Variants in CDK13 observed in about 807,000 individuals in gnomAD.
The protein encoded by CDK13 is cyclin dependent kinase 13.
A neutral mutation model predicts 137.6 loss-of-function variants in CDK13; 40 were observed. The observed-to-expected ratio is 0.29, with a 90% CI of 0.23 to 0.38. CDK13 has a LOEUF of 0.38. Ranked by LOEUF, CDK13 falls within the 10% of genes least tolerant of loss-of-function variation. CDK13 has a pLI of 1.00. For synonymous variants in CDK13, 869 were observed against 760.1 expected, an observed-to-expected ratio of 1.14 and a Z score of -2.36; for missense variants, 1,704 against 1,951.8, an observed-to-expected ratio of 0.87 and a Z score of 2.39.
intron 7 of CDK13, chr7:40,048,737 TA>T: frequency 6.6e-6 from 1 of 151,672 alleles, no homozygotes; most frequent in East Asian, 1.9e-4. Flanking sequence ...GTTAAAGCAA[TA>T]AACAAAAACT....
chr7:39,968,343 G>C (rs1783917594), intron 1 of CDK13, among the ~76,000 whole-genome samples: 1 of 152,112 alleles, frequency 6.6e-6, no homozygotes, highest in Non-Finnish European at 1.5e-5. Flanking sequence ...CCTTTCTACT[G>C]TATAAGGTGT....
intron 5 of CDK13, among the ~76,000 whole-genome samples, chr7:40,036,353 G>A (rs1319801447): frequency 6.6e-6 from 1 of 151,908 alleles, no homozygotes; most frequent in African/African-American, 2.4e-5. Flanking sequence ...TCTAAAAGTA[G>A]ATGAGGTCAG....
chr7:40,004,719 G>T (rs1784761318), intron 5 of CDK13, among the ~76,000 whole-genome samples: 1 of 152,174 alleles, frequency 6.6e-6, no homozygotes, highest in Non-Finnish European at 1.5e-5. Context: ...AATCTAAAAT[G>T]AGTGTATTAG....
intron 5 of CDK13, among the ~76,000 whole-genome samples, chr7:40,020,233 A>C (rs1583997001): frequency 6.6e-6 from 1 of 151,766 alleles, no homozygotes; most frequent in African/African-American, 2.4e-5. Flanking sequence ...ATGCCCAGCT[A>C]CTTTTTGTAT....
At chr7:40,019,117 G>C (rs939631144) in intron 5 of CDK13, among the ~76,000 whole-genome samples, 2 of 152,122 alleles carry the variant, frequency 1.3e-5, no homozygotes, top group African/African-American at 4.8e-5. Flanking sequence ...ACTAGGTAAA[G>C]TTTCATCCAA....
chr7:39,981,792 CTTTT>C (rs545024171), intron 1 of CDK13, among the ~76,000 whole-genome samples: 3 of 136,306 alleles, frequency 2.2e-5, no homozygotes, highest in Non-Finnish European at 3.2e-5. Context: ...TCCAAAATAT[CTTTT>C]TTTTTTTTTT....
chr7:40,057,203 C>T (rs906075965), intron 7 of CDK13, among the ~76,000 whole-genome samples: 11 of 151,922 alleles, frequency 7.2e-5, no homozygotes, highest in South Asian at 2.1e-4. Context: ...TGCAGTGAGC[C>T]GAGATCACGC....
At chr7:40,033,364 A>G (rs1450975345) in intron 5 of CDK13, among the ~76,000 whole-genome samples, 1 of 152,210 alleles carries the variant, frequency 6.6e-6, no homozygotes, top group Non-Finnish European at 1.5e-5. Context: ...GCTTTAAAAA[A>G]ATTAGTAGTC....
chr7:39,989,824 C>T (rs1275089903), intron 2 of CDK13, among the ~76,000 whole-genome samples: 5 of 150,860 alleles, frequency 3.3e-5, no homozygotes, highest in African/African-American at 9.7e-5. Context: ...GCTCTTTTGC[C>T]GAGGCTGGAG....
chr7:39,965,434 T>C (rs1783848565), intron 1 of CDK13, among the ~76,000 whole-genome samples: 1 of 152,198 alleles, frequency 6.6e-6, no homozygotes. Flanking sequence ...AGACTAGGAT[T>C]GCGACCACTG....
In CDK13 at chr7:40,099,278, T is replaced by A. The variant is rs997209360; in HGVS notation, c.*4298T>A. ...TTTTTATTGTAAAGGGAAGAACTTA[T>A]CCTTTTAATTTTATGGACTAACAGA... On this transcript the variant is annotated 3_prime_UTR_variant, in exon 14 of 14. Transcript: ENST00000181839. 1 of 152,192 alleles carries A rather than the reference T, an allele frequency of 6.6e-6. No homozygotes were observed. Among genetic ancestry groups the A allele is most frequent in the South Asian group, 2.1e-4 (1 of 4,834 alleles). 9.4% of individuals were successfully genotyped at this position (152,192 alleles called of 1,614,324 possible). A position where few individuals can be genotyped will look rare whatever the true frequency, so the allele number is the denominator to read the frequency against.
At chr7:40,092,300 T>TA in intron 12 of CDK13, 1 of 156,064 alleles carries the variant, frequency 6.4e-6, no homozygotes. Flanking sequence ...CTCTGCCACT[T>TA]ACAGAATATT....
At chr7:39,956,655 A>G (rs1351468292) in intron 1 of CDK13, among the ~76,000 whole-genome samples, 1 of 152,098 alleles carries the variant, frequency 6.6e-6, no homozygotes, top group Non-Finnish European at 1.5e-5. Flanking sequence ...TGATGTGATC[A>G]TGGCTCACAG....
intron 12 of CDK13, among the ~76,000 whole-genome samples, chr7:40,089,453 A>T: frequency 6.7e-6 from 1 of 150,260 alleles, no homozygotes; most frequent in African/African-American, 2.4e-5. Context: ...AAAAAAAAAA[A>T]AGGATATCTT....
chr7:39,952,549 C>T (rs1787265296), intron 1 of CDK13: 1 of 152,110 alleles, frequency 6.6e-6, no homozygotes, highest in South Asian at 2.1e-4. Context: ...ACTGTGGTTT[C>T]TTTGTTGGTT....
intron 1 of CDK13, among the ~76,000 whole-genome samples, chr7:39,969,166 C>T (rs1369113889): frequency 2.6e-5 from 4 of 152,194 alleles, no homozygotes; most frequent in Admixed American, 1.3e-4. Context: ...CACACCACCA[C>T]GCCTGGCTAG....
intron 5 of CDK13, among the ~76,000 whole-genome samples, chr7:40,008,085 A>T (rs1784829289): frequency 6.6e-6 from 1 of 152,212 alleles, no homozygotes; most frequent in Non-Finnish European, 1.5e-5. Context: ...CGCAGTTTAG[A>T]ACTGCTGATA....
At chr7:40,085,013 G>A (rs532426713) in intron 11 of CDK13, among the ~76,000 whole-genome samples, 33 of 152,240 alleles carry the variant, frequency 2.2e-4, no homozygotes, top group African/African-American at 7.0e-4. Flanking sequence ...TATTTCTTGG[G>A]TAAAATTTAT....
rs1405989487 is a variant in CDK13, at chr7:40,098,642, G to A, written c.*3662G>A. 4.6e-5 allele frequency: 7 copies of A among 151,216 alleles called. No homozygotes were observed. The highest frequency in any genetic ancestry group is 7.3e-5 in the African/African-American group (3 of 41,082). The allele number at this position is 151,216 out of a possible 1,614,324, so 9.4% of individuals were successfully genotyped here. A position where few individuals can be genotyped will look rare whatever the true frequency, so the allele number is the denominator to read the frequency against. On this transcript the variant is annotated 3_prime_UTR_variant, in exon 14 of 14. Transcript: ENST00000181839. ...CTTACTTTACAACTAAGAAAAATAAGGCTTAGAAAGAGGGATTGCCAGAAA... is the reference window on the plus strand; with the variant it reads ...CTTACTTTACAACTAAGAAAAATAAAGCTTAGAAAGAGGGATTGCCAGAAA...
Sources: allele counts gnomAD v4.1 joint callset (sites outside exome capture counted in the v4.1 genomes callset), GRCh38; gene constraint gnomAD v4.1.1; transcripts MANE v1.5; gene names NCBI Gene and HGNC (gene_info 2026-07-23, HGNC 2026-07-21).